MDFIC: variants seen among roughly 807,000 people sequenced by gnomAD.
The protein encoded by MDFIC is MyoD family inhibitor domain containing.
A neutral mutation model predicts 23.2 loss-of-function variants in MDFIC; 17 were observed. The ratio of observed to expected loss-of-function variants is 0.73; its 90% confidence interval spans 0.50 to 1.10. The LOEUF is 1.10. MDFIC is among the 50% of genes least tolerant of loss of function. The pLI, the probability that MDFIC is intolerant of heterozygous loss-of-function variation, is 0.00. For synonymous variants in MDFIC, 120 were observed against 115.2 expected, an observed-to-expected ratio of 1.04 and a Z score of -0.27; for missense variants, 356 against 316.6, an observed-to-expected ratio of 1.12 and a Z score of -0.95.
Position 114,946,225 on chromosome 7 carries a change from A to AGTGTGT in MDFIC, c.217+3855_217+3860dup, listed in dbSNP as rs141050062. Among the ~76,000 whole-genome samples, 317 of 149,720 alleles carry AGTGTGT rather than the reference A, an allele frequency of 2.1e-3. 1 individual carries two copies. The highest frequency in any genetic ancestry group is 7.3e-3 in the African/African-American group (298 of 40,636). The stretch of plus-strand genomic sequence containing the variant: ...CGGGGATTTCTAAGGTAGGAAGAAG[A>AGTGTGT]GTGTGTGTGTGTGTGTGTGTGTGTG... On this transcript the variant is annotated intron_variant, in intron 3 of 4. Transcript: ENST00000393486.
chr7:114,946,568 C>G (rs1792649158), intron 3 of MDFIC, among the ~76,000 whole-genome samples: 2 of 152,150 alleles, frequency 1.3e-5, no homozygotes, highest in South Asian at 4.1e-4. Flanking sequence ...TAATTCTCTC[C>G]TTTGTGATTT....
At chr7:114,946,002 C>T (rs372041919) in intron 3 of MDFIC, among the ~76,000 whole-genome samples, 43 of 152,170 alleles carry the variant, frequency 2.8e-4, no homozygotes, top group African/African-American at 9.9e-4. Context: ...GAAGCTATGC[C>T]CTGTTTTAAT....
intron 2 of MDFIC, among the ~76,000 whole-genome samples, chr7:114,927,054 A>G (rs1279780938): frequency 6.6e-6 from 1 of 152,040 alleles, no homozygotes; most frequent in African/African-American, 2.4e-5. Context: ...GATCAGGGAC[A>G]CTCCTGAACA....
At chr7:114,969,309 TGTTA>T in intron 3 of MDFIC, among the ~76,000 whole-genome samples, 1 of 152,196 alleles carries the variant, frequency 6.6e-6, no homozygotes. Flanking sequence ...TCAGGAAGGT[TGTTA>T]TATGCTGGGA....
intron 3 of MDFIC, among the ~76,000 whole-genome samples, chr7:114,944,819 G>A (rs983043897): frequency 2.6e-5 from 4 of 152,212 alleles, no homozygotes; most frequent in African/African-American, 7.2e-5. Context: ...ATGGGAGGAG[G>A]GGAACATCTG....
chr7:114,922,882 C>G (rs1792113232), intron 1 of MDFIC, 45 bp from the exon 2 acceptor site: 3 of 1,533,090 alleles, frequency 2.0e-6, no homozygotes, highest in Non-Finnish European at 2.6e-6. Flanking sequence ...GTGTGCTCTT[C>G]TCTAAAAACA....
intron 4 of MDFIC, among the ~76,000 whole-genome samples, chr7:114,998,314 A>T (rs554112135): frequency 6.6e-6 from 1 of 152,342 alleles, no homozygotes; most frequent in South Asian, 2.1e-4. Flanking sequence ...CACCTATAGT[A>T]AAACCTTATC....
intron 2 of MDFIC, chr7:114,923,437 T>C (rs1363393718): frequency 5.9e-6 from 9 of 1,537,098 alleles, no homozygotes; most frequent in African/African-American, 5.5e-5. Flanking sequence ...AATGTGTAGG[T>C]TCTGAAGCGC....
rs955453500 is a variant in MDFIC at position 114,979,780 on chromosome 7, A to G, written c.492A>G (p.Glu164=). 3 of 1,612,988 alleles carry G rather than the reference A, an allele frequency of 1.9e-6. No individual in the cohort carries two copies. Among genetic ancestry groups the G allele is most frequent in the Middle Eastern group, 1.7e-4 (1 of 6,058 alleles). Residue 164 remains glutamate, a splice_region_variant and synonymous_variant, in exon 4 of 5, where the codon GAA becomes GAG. Transcript: ENST00000393486. ...CCCAAAAGACAGGCTCTTCACCTGA[A>G]GGTAAGTTTGAGATATATGTAGATT... The part of the protein sequence containing the change: ...VFSQKTGSSP[E]DCCVHCILAC...
At chr7:114,968,181 A>G (rs1284853113) in intron 3 of MDFIC, among the ~76,000 whole-genome samples, 2 of 152,194 alleles carry the variant, frequency 1.3e-5, no homozygotes, top group African/African-American at 2.4e-5. Context: ...GCAGATGCTT[A>G]TATGTTAAGT....
chr7:114,938,858 C>T (rs2709485), intron 2 of MDFIC, among the ~76,000 whole-genome samples: 2 of 152,024 alleles, frequency 1.3e-5, no homozygotes, highest in Non-Finnish European at 2.9e-5. Context: ...TTTATTAAAC[C>T]AGGGCTGAGT....
At chr7:114,976,459 C>T (rs117038516) in intron 3 of MDFIC, among the ~76,000 whole-genome samples, 1 of 152,224 alleles carries the variant, frequency 6.6e-6, no homozygotes, top group East Asian at 1.9e-4. Context: ...CAAGAAGTTA[C>T]AGAAGCAGCA....
At chr7:114,985,265 G>A (rs907059784) in intron 4 of MDFIC, among the ~76,000 whole-genome samples, 1 of 152,138 alleles carries the variant, frequency 6.6e-6, no homozygotes, top group African/African-American at 2.4e-5. Flanking sequence ...TTAGAATACA[G>A]ACTGGCTCAG....
chr7:114,923,133 T>G lies in MDFIC; in HGVS notation c.94+6T>G. ...GCTGGGCTCCACAGCCCAGGGTGAG[T>G]GCGCGCTTGCAAGTGGCAAGCTTCT... On this transcript the variant is annotated splice_donor_region_variant and intron_variant, in intron 2 of 4. Coordinates refer to ENST00000393486, the MANE Select transcript of MDFIC (RefSeq NM_001166345.3). 1.3e-6 allele frequency: 2 copies of G among 1,522,618 alleles called. No homozygotes were observed. Among genetic ancestry groups the G allele is most frequent in the Middle Eastern group, 2.3e-4 (1 of 4,296 alleles). The allele number at this position is 1,522,618 out of a possible 1,614,324, so 94.3% of individuals were successfully genotyped here. A position where few individuals can be genotyped will look rare whatever the true frequency, so the allele number is the denominator to read the frequency against.
chr7:114,981,178 A>G (rs1180259419), intron 4 of MDFIC, among the ~76,000 whole-genome samples: 3 of 152,198 alleles, frequency 2.0e-5, no homozygotes, highest in African/African-American at 7.2e-5. Flanking sequence ...TGCAATTGAA[A>G]TGTACTTGTT....
At chr7:114,986,693 G>A (rs1052545280) in intron 4 of MDFIC, among the ~76,000 whole-genome samples, 1 of 152,092 alleles carries the variant, frequency 6.6e-6, no homozygotes, top group Non-Finnish European at 1.5e-5. Flanking sequence ...AACTCTCTTT[G>A]CATTCTTAAT....
At chr7:114,972,267 T>C (rs1793219427) in intron 3 of MDFIC, among the ~76,000 whole-genome samples, 1 of 152,160 alleles carries the variant, frequency 6.6e-6, no homozygotes. Context: ...TTTGCCAATA[T>C]CTTGTTTGAG....
intron 2 of MDFIC, among the ~76,000 whole-genome samples, chr7:114,927,286 A>G (rs931039468): frequency 6.6e-6 from 1 of 151,888 alleles, no homozygotes; most frequent in East Asian, 1.9e-4. Context: ...TTTAATCTCT[A>G]AAAGGATATG....
rs768189762 is a variant in MDFIC, at chr7:114,922,475, T to A, written c.-269T>A. On this transcript the variant is annotated 5_prime_UTR_variant, in exon 1 of 5. Transcript: ENST00000393486. ...GTTGCCGCCACTGCGGCGTCTGGGC[T>A]GAGCCGGAGGGAGGCGGGAGGACGC... The A allele has an allele frequency of 8.8e-6, 11 of 1,251,256 alleles. No homozygotes were observed. The African/African-American group carries it at 1.7e-4, about 19-fold the overall frequency. The allele number at this position is 1,251,256 out of a possible 1,614,324, so 77.5% of individuals were successfully genotyped here. A position where few individuals can be genotyped will look rare whatever the true frequency, so the allele number is the denominator to read the frequency against.
Sources: allele counts gnomAD v4.1 joint callset (sites outside exome capture counted in the v4.1 genomes callset), GRCh38; gene constraint gnomAD v4.1.1; transcripts MANE v1.5; gene names NCBI Gene and HGNC (gene_info 2026-07-23, HGNC 2026-07-21).